KIAA1217: variants seen among roughly 807,000 people sequenced by gnomAD.
The protein encoded by KIAA1217 is sickle tail protein homolog.
Under a neutral mutation model 163.9 loss-of-function variants are expected in KIAA1217, and 88 were observed. The ratio of observed to expected loss-of-function variants is 0.54; its 90% CI spans 0.45 to 0.64. The LOEUF (loss-of-function observed/expected upper bound fraction) is 0.64, where lower values mean the gene tolerates loss of function less well. KIAA1217 is among the 30% of genes least tolerant of loss of function. The pLI is 0.00. For missense variants in KIAA1217, 2,372 were observed against 2,475.0 expected, an observed-to-expected ratio of 0.96 and a Z score of 0.88; for synonymous variants, 903 against 923.1, an observed-to-expected ratio of 0.98 and a Z score of 0.39.
At chr10:23,713,977 T>A (rs1419023345) in intron 1 of KIAA1217, among the ~76,000 whole-genome samples, 3 of 152,158 alleles carry the variant, frequency 2.0e-5, no homozygotes, top group Non-Finnish European at 4.4e-5. Context: ...CATAGGCACC[T>A]CACCTTTAAT....
intron 6 of KIAA1217, among the ~76,000 whole-genome samples, chr10:24,492,525 G>GT (rs1009638524): frequency 4.6e-5 from 7 of 151,912 alleles, no homozygotes; most frequent in Non-Finnish European, 1.0e-4. Flanking sequence ...ATTGCTTGGT[G>GT]TTTTTTTTCC....
intron 3 of KIAA1217, among the ~76,000 whole-genome samples, chr10:24,405,786 G>C (rs1556401): frequency 3.3e-5 from 5 of 151,936 alleles, no homozygotes; most frequent in Non-Finnish European, 7.4e-5. Context: ...AAGTTAGAGC[G>C]GTAAGTGGTA....
At chr10:24,252,001 A>G (rs1278104362) in intron 2 of KIAA1217, among the ~76,000 whole-genome samples, 1 of 152,110 alleles carries the variant, frequency 6.6e-6, no homozygotes, top group Non-Finnish European at 1.5e-5. Flanking sequence ...TAGCAGGAAT[A>G]AGGGAGACAT....
At chr10:23,807,963 T>G (rs1836820982) in intron 1 of KIAA1217, among the ~76,000 whole-genome samples, 2 of 152,182 alleles carry the variant, frequency 1.3e-5, no homozygotes, top group Non-Finnish European at 2.9e-5. Context: ...GCCTTGTCAA[T>G]TAAAAAGGAA....
chr10:23,909,808 C>T (rs771339078), intron 1 of KIAA1217, among the ~76,000 whole-genome samples: 1 of 152,122 alleles, frequency 6.6e-6, no homozygotes, highest in Non-Finnish European at 1.5e-5. Flanking sequence ...GGTATATACC[C>T]AGTAATGGGA....
intron 2 of KIAA1217, among the ~76,000 whole-genome samples, chr10:24,337,633 TTCTTTTCTTTTCTTTTC>T: frequency 6.7e-5 from 4 of 59,584 alleles, no homozygotes; most frequent in African/African-American, 4.1e-4. Context: ...TTCTTTTCTT[TTCTTTTCTTTTCTTTTC>T]TTTTTTTTTT....
At chr10:24,536,944 T>G (rs1387311452) in intron 17 of KIAA1217, 51 bp downstream of exon 17, 13 of 1,605,388 alleles carry the variant, frequency 8.1e-6, no homozygotes, top group African/African-American at 1.3e-5. Flanking sequence ...CTTCCTTCCT[T>G]GCTCTGACAC....
At chr10:24,533,946 T>A (rs1186601604) in intron 16 of KIAA1217, among the ~76,000 whole-genome samples, 1 of 152,198 alleles carries the variant, frequency 6.6e-6, no homozygotes, top group African/African-American at 2.4e-5. Context: ...ACTTGTCTCA[T>A]CAGAGACATA....
At chr10:23,831,926 G>T (rs1838222024) in intron 1 of KIAA1217, among the ~76,000 whole-genome samples, 1 of 152,154 alleles carries the variant, frequency 6.6e-6, no homozygotes, top group Admixed American at 6.6e-5. Context: ...AAAGCAAAGT[G>T]TTTTTTCTAC....
intron 2 of KIAA1217, among the ~76,000 whole-genome samples, chr10:24,280,766 C>T (rs921532312): frequency 2.9e-4 from 44 of 149,760 alleles, no homozygotes; most frequent in African/African-American, 1.0e-3. Context: ...GCAGAGATTG[C>T]GCCACTGCAC....
chr10:23,729,868 C>G (rs569854393), intron 1 of KIAA1217, among the ~76,000 whole-genome samples: 17 of 151,876 alleles, frequency 1.1e-4, no homozygotes, highest in Non-Finnish European at 1.8e-4. Flanking sequence ...AACCCAAAGC[C>G]CAAAGTCATC....
At chr10:23,883,940 A>G (rs1841062347) in intron 1 of KIAA1217, among the ~76,000 whole-genome samples, 1 of 151,990 alleles carries the variant, frequency 6.6e-6, no homozygotes, top group Non-Finnish European at 1.5e-5. Context: ...TATTTTCATG[A>G]CATGATAACT....
At chr10:23,830,466 G>A (rs977760677) in intron 1 of KIAA1217, among the ~76,000 whole-genome samples, 2 of 152,062 alleles carry the variant, frequency 1.3e-5, no homozygotes, top group African/African-American at 4.8e-5. Context: ...CCGTTGCTGT[G>A]ATAAACAGTC....
intron 1 of KIAA1217, among the ~76,000 whole-genome samples, chr10:23,724,966 A>G (rs1273724068): frequency 6.6e-6 from 1 of 152,104 alleles, no homozygotes; most frequent in Non-Finnish European, 1.5e-5. Context: ...CAAGCCTGCC[A>G]GCTGCTTGAA....
intron 2 of KIAA1217, among the ~76,000 whole-genome samples, chr10:24,243,948 C>T (rs1305914810): frequency 6.6e-6 from 1 of 152,124 alleles, no homozygotes; most frequent in Non-Finnish European, 1.5e-5. Context: ...CACTTTACAC[C>T]TAGTGGGTTT....
At chr10:23,809,020 A>G (rs1220130022) in intron 1 of KIAA1217, among the ~76,000 whole-genome samples, 1 of 152,118 alleles carries the variant, frequency 6.6e-6, no homozygotes, top group East Asian at 1.9e-4. Context: ...TTCAAGGTAC[A>G]GAGGAAAATA....
chr10:23,849,220 A>G (rs973974162), intron 1 of KIAA1217, among the ~76,000 whole-genome samples: 2 of 152,150 alleles, frequency 1.3e-5, no homozygotes, highest in Non-Finnish European at 2.9e-5. Flanking sequence ...CTTAAAATAT[A>G]TAAATCTCCA....
chr10:24,473,392 C>T lies in KIAA1217; in HGVS notation c.1011C>T (p.Ser337=). Residue 337 remains serine (S), a synonymous_variant, in exon 6 of 21, where the codon TCC becomes TCT. Transcript: ENST00000376454. Reference sequence around the variant, plus strand: ...GAATTCCTTATGGGGGCACCCGCTCCATGGTTGTTCCTGGCAATGCCACCA... The same window carrying T: ...GAATTCCTTATGGGGGCACCCGCTCTATGGTTGTTCCTGGCAATGCCACCA... The part of the protein sequence containing the change: ...PSRIPYGGTR[S]MVVPGNATIP... 1 of 1,613,674 alleles carries T rather than the reference C, an allele frequency of 6.2e-7. No individual in the cohort carries two copies. Among genetic ancestry groups the T allele is most frequent in the South Asian group, 1.1e-5 (1 of 91,036 alleles).
Position 24,132,508 on chromosome 10 carries a change from G to GTC in KIAA1217, c.-170-87114_-170-87113dup, listed in dbSNP as rs1208233704. Among the ~76,000 whole-genome samples, 3 of 152,150 alleles carry GTC rather than the reference G, an allele frequency of 2.0e-5. No homozygotes were observed. In the South Asian group the frequency reaches 6.2e-4, roughly 32 times the overall value. Reference sequence around the variant, plus strand: ...AGGAATATAAGATGAATCGGACATTGTCTCTGCCCTCCGGCAGGACCCAGT... The same window carrying GTC: ...AGGAATATAAGATGAATCGGACATTGTCTCTCTGCCCTCCGGCAGGACCCAGT... On this transcript the variant is annotated intron_variant, in intron 2 of 18. Transcript: ENST00000376462.
Sources: allele counts gnomAD v4.1 joint callset (sites outside exome capture counted in the v4.1 genomes callset), GRCh38; gene constraint gnomAD v4.1.1; transcripts MANE v1.5; gene names NCBI Gene and HGNC (gene_info 2026-07-23, HGNC 2026-07-21).